The following CNTNAP2 variants were observed in gnomAD, a reference collection of about 807,000 sequenced individuals.
CNTNAP2 encodes contactin associated protein 2.
CNTNAP2 carries 98 observed loss-of-function variants against 155.2 expected under a neutral mutation model. The observed-to-expected ratio is 0.63, with a 90% CI of 0.54 to 0.75. CNTNAP2 has a LOEUF of 0.75. Ranked by LOEUF, CNTNAP2 falls within the 30% of genes least tolerant of loss-of-function variation. The pLI, the probability that CNTNAP2 is intolerant of heterozygous loss-of-function variation, is 0.00. For missense variants in CNTNAP2, 1,727 were observed against 1,688.1 expected (o/e 1.02, Z -0.40); for synonymous variants, 651 against 631.2 (o/e 1.03, Z -0.47).
chr7:146,132,810 CGTT>C (rs1442541480), intron 1 of CNTNAP2, among the ~76,000 whole-genome samples: 1 of 149,652 alleles, frequency 6.7e-6, no homozygotes, highest in Admixed American at 6.7e-5. Flanking sequence ...TCCAGTCTAT[CGTT>C]GTTGGACATT....
chr7:147,601,735 T>C (rs1800950920), intron 12 of CNTNAP2, among the ~76,000 whole-genome samples: 1 of 150,630 alleles, frequency 6.6e-6, no homozygotes, highest in South Asian at 2.1e-4. Context: ...TGTCTTTAAA[T>C]ATCCAGTGTT....
At chr7:148,408,275 C>CA (rs746782224) in intron 22 of CNTNAP2, among the ~76,000 whole-genome samples, 1 of 151,296 alleles carries the variant, frequency 6.6e-6, no homozygotes, top group Admixed American at 6.6e-5. Flanking sequence ...CACACACACA[C>CA]AAAAAAAGAA....
chr7:146,878,694 C>T (rs140985878), intron 3 of CNTNAP2, among the ~76,000 whole-genome samples: 14 of 152,120 alleles, frequency 9.2e-5, no homozygotes, highest in Non-Finnish European at 1.6e-4. Context: ...CCTCCCCTGC[C>T]CTCACTCCAC....
intron 3 of CNTNAP2, among the ~76,000 whole-genome samples, chr7:146,920,077 G>C (rs1307186691): frequency 2.0e-5 from 3 of 151,994 alleles, no homozygotes; most frequent in Non-Finnish European, 2.9e-5. Context: ...CCTGACAAGG[G>C]GAAATATTAC....
rs143328259 is a variant in CNTNAP2 at position 146,899,275 on chromosome 7, C to T, written c.402+59371C>T. On this transcript the variant is annotated intron_variant, in intron 3 of 23. Transcript: ENST00000361727. ...TCCATCTCCATTACAATCCCATTTGCTTAGTTCCAGAATTTCTTACCCAGT... is the reference window on the plus strand; with the variant it reads ...TCCATCTCCATTACAATCCCATTTGTTTAGTTCCAGAATTTCTTACCCAGT... Among the ~76,000 whole-genome samples, 617 of 152,240 alleles carry T rather than the reference C, an allele frequency of 4.1e-3. 1 individual carries two copies. The highest frequency in any genetic ancestry group is 6.8e-3 in the Non-Finnish European group (465 of 67,998).
At chr7:147,782,360 T>A (rs1797672935) in intron 13 of CNTNAP2, among the ~76,000 whole-genome samples, 1 of 152,218 alleles carries the variant, frequency 6.6e-6, no homozygotes, top group Non-Finnish European at 1.5e-5. Flanking sequence ...TATTTGTATT[T>A]TGCCTGTGTC....
At chr7:146,523,005 T>G (rs919244969) in intron 1 of CNTNAP2, among the ~76,000 whole-genome samples, 2 of 151,844 alleles carry the variant, frequency 1.3e-5, no homozygotes, top group Admixed American at 6.6e-5. Context: ...TTTATAAAAT[T>G]TTTCCATAAT....
chr7:147,189,991 G>T (rs564786352), intron 8 of CNTNAP2, among the ~76,000 whole-genome samples: 1 of 152,002 alleles, frequency 6.6e-6, no homozygotes, highest in East Asian at 1.9e-4. Context: ...TGATCCACCC[G>T]CCTCGGCCTC....
At chr7:147,802,283 C>A in intron 13 of CNTNAP2, among the ~76,000 whole-genome samples, 1 of 150,072 alleles carries the variant, frequency 6.7e-6, no homozygotes, top group Non-Finnish European at 1.5e-5. Context: ...ACGCTCCTCA[C>A]TTTCCAGACT....
chr7:146,967,898 G>A (rs1483219108), intron 3 of CNTNAP2, among the ~76,000 whole-genome samples: 1 of 151,866 alleles, frequency 6.6e-6, no homozygotes, highest in Admixed American at 6.6e-5. Context: ...AGTTTTCAAA[G>A]GGAGTGCTTC....
At chr7:147,837,167 A>G (rs978317412) in intron 13 of CNTNAP2, among the ~76,000 whole-genome samples, 2 of 152,186 alleles carry the variant, frequency 1.3e-5, no homozygotes, top group Non-Finnish European at 2.9e-5. Context: ...TTTACAAAAG[A>G]AAGAGGTTTA....
intron 8 of CNTNAP2, among the ~76,000 whole-genome samples, chr7:147,217,183 C>T (rs1803291831): frequency 6.6e-6 from 1 of 151,838 alleles, no homozygotes; most frequent in African/African-American, 2.4e-5. Context: ...ACTCTCAGTA[C>T]AATGGCGAAA....
chr7:146,824,756 T>G (rs1285132018), intron 2 of CNTNAP2, among the ~76,000 whole-genome samples: 2 of 152,162 alleles, frequency 1.3e-5, no homozygotes, highest in Non-Finnish European at 2.9e-5. Context: ...GCAATTCTAT[T>G]TTGGGGAATT....
rs1803301129 is a variant in CNTNAP2, at chr7:146,822,264, T to C, written c.209-17447T>C. ...CATGTTCTCACTCATATGTGGGAAT[T>C]GAACAATGAGATCACATGGACACAG... On this transcript the variant is annotated intron_variant, in intron 2 of 23. Coordinates refer to ENST00000361727, the MANE Select transcript of CNTNAP2 (RefSeq NM_014141.6). 3.9e-5 allele frequency among the ~76,000 whole-genome samples: 6 copies of C among 152,062 alleles called. No individual in the cohort carries two copies. In the South Asian group the frequency reaches 1.2e-3, roughly 32 times the overall value.
At chr7:147,291,049 C>G (rs907621555) in intron 8 of CNTNAP2, among the ~76,000 whole-genome samples, 1 of 152,114 alleles carries the variant, frequency 6.6e-6, no homozygotes, top group South Asian at 2.1e-4. Flanking sequence ...TTTTTCTCTC[C>G]CTCAGAAAGT....
chr7:147,087,338 G>C (rs886293523), intron 4 of CNTNAP2, among the ~76,000 whole-genome samples: 1 of 152,072 alleles, frequency 6.6e-6, no homozygotes, highest in Non-Finnish European at 1.5e-5. Context: ...TGAAAAAAGA[G>C]GACACCGAAG....
chr7:146,577,495 G>T (rs913680568), intron 1 of CNTNAP2, among the ~76,000 whole-genome samples: 2 of 152,116 alleles, frequency 1.3e-5, no homozygotes, highest in East Asian at 3.9e-4. Context: ...ATTTAAACAA[G>T]CTATCACAGT....
chr7:148,391,634 CAG>C (rs1436629968), intron 22 of CNTNAP2, among the ~76,000 whole-genome samples: 4 of 152,188 alleles, frequency 2.6e-5, no homozygotes, highest in African/African-American at 9.7e-5. Flanking sequence ...TTTAAGGTCA[CAG>C]AATGCCAGGC....
intron 15 of CNTNAP2, among the ~76,000 whole-genome samples, chr7:148,063,249 C>T (rs1162736014): frequency 6.6e-6 from 1 of 151,944 alleles, no homozygotes; most frequent in Non-Finnish European, 1.5e-5. Context: ...GCAATTGTGT[C>T]CTTTTTCTCT....
Sources: allele counts gnomAD v4.1 joint callset (sites outside exome capture counted in the v4.1 genomes callset), GRCh38; gene constraint gnomAD v4.1.1; transcripts MANE v1.5; gene names NCBI Gene and HGNC (gene_info 2026-07-23, HGNC 2026-07-21).